GALNT1: variants seen among roughly 807,000 people sequenced by gnomAD.
GALNT1 encodes GalNAc transferase 1.
In GALNT1, 17 loss-of-function variants were observed where a neutral mutation model predicts 65.7. The ratio of observed to expected loss-of-function variants is 0.26; its 90% CI spans 0.18 to 0.39. The LOEUF (loss-of-function observed/expected upper bound fraction) is 0.39. GALNT1 is among the 10% of genes least tolerant of loss of function. GALNT1 has a pLI of 1.00. For synonymous variants in GALNT1, 210 were observed against 219.7 expected, an observed-to-expected ratio of 0.96 and a Z score of 0.39; for missense variants, 460 against 672.8, an observed-to-expected ratio of 0.68 and a Z score of 3.50.
chr18:35,653,387 G>T (rs2144382210), intron 1 of GALNT1, among the ~76,000 whole-genome samples: 1 of 152,310 alleles, frequency 6.6e-6, no homozygotes, highest in East Asian at 1.9e-4. Flanking sequence ...GGCCTGCCCT[G>T]AATTGTTCAG....
intron 1 of GALNT1, among the ~76,000 whole-genome samples, chr18:35,612,974 A>G (rs2046736500): frequency 6.6e-6 from 1 of 152,112 alleles, no homozygotes; most frequent in South Asian, 2.1e-4. Flanking sequence ...AATCAGTGGT[A>G]TGTTATAGGG....
At chr18:35,704,060 C>T (rs1032358126) in intron 11 of GALNT1, among the ~76,000 whole-genome samples, 3 of 152,180 alleles carry the variant, frequency 2.0e-5, no homozygotes, top group Admixed American at 6.5e-5. Context: ...AGAACCTTTC[C>T]TATTTATCTT....
intron 1 of GALNT1, among the ~76,000 whole-genome samples, chr18:35,606,050 C>G (rs576360): frequency 6.6e-6 from 1 of 151,988 alleles, no homozygotes; most frequent in African/African-American, 2.4e-5. Flanking sequence ...TGGCTTAAAA[C>G]AACAAAACTT....
Position 35,687,332 on chromosome 18 carries a change from T to C in GALNT1, c.860+146T>C, listed in dbSNP as rs574111969. On this transcript the variant is annotated intron_variant, in intron 6 of 11. Coordinates refer to ENST00000269195, the MANE Select transcript of GALNT1 (RefSeq NM_020474.4). Reference sequence around the variant, plus strand: ...GTAGTTAACAGCCATCTTTCACATATGTGAGTGTTTTAAAGAAGGATTTCT... The same window carrying C: ...GTAGTTAACAGCCATCTTTCACATACGTGAGTGTTTTAAAGAAGGATTTCT... 9 of 690,846 alleles carry C rather than the reference T, an allele frequency of 1.3e-5. No individual in the cohort carries two copies. In the African/African-American group the frequency reaches 1.6e-4, roughly 13 times the overall value. 42.8% of individuals were successfully genotyped at this position (690,846 alleles called of 1,614,324 possible). A position where few individuals can be genotyped will look rare whatever the true frequency, so the allele number is the denominator to read the frequency against.
intron 3 of GALNT1, among the ~76,000 whole-genome samples, chr18:35,665,568 A>G (rs2144476874): frequency 6.6e-6 from 1 of 152,314 alleles, no homozygotes; most frequent in South Asian, 2.1e-4. Flanking sequence ...CTTTCAGAAC[A>G]CTGAGGATTT....
At chr18:35,581,991 G>A (rs1369088557) in intron 1 of GALNT1, 129 bp downstream of exon 1, 1 of 151,922 alleles carries the variant, frequency 6.6e-6, no homozygotes, top group African/African-American at 2.4e-5. Flanking sequence ...TGGGGCCGGG[G>A]CGCGGGCACG....
chr18:35,703,924 CTAGTT>C (rs1212171329), intron 11 of GALNT1, among the ~76,000 whole-genome samples: 1 of 152,180 alleles, frequency 6.6e-6, no homozygotes, highest in Non-Finnish European at 1.5e-5. Context: ...GTTCTATAGT[CTAGTT>C]TGGGAGAAAT....
At chr18:35,611,858 C>CT (rs1362327614) in intron 1 of GALNT1, among the ~76,000 whole-genome samples, 2 of 152,182 alleles carry the variant, frequency 1.3e-5, no homozygotes, top group Non-Finnish European at 2.9e-5. Flanking sequence ...TGTTTCTAAT[C>CT]TTTTTTGTCT....
chr18:35,690,525 T>C (rs1230417162), intron 7 of GALNT1, among the ~76,000 whole-genome samples: 1 of 152,220 alleles, frequency 6.6e-6, no homozygotes, highest in Non-Finnish European at 1.5e-5. Context: ...ATTCATCAAT[T>C]TGAATTTATG....
At chr18:35,704,931 A>T (rs975545170) in intron 11 of GALNT1, among the ~76,000 whole-genome samples, 5 of 152,196 alleles carry the variant, frequency 3.3e-5, no homozygotes, top group Admixed American at 2.0e-4. Flanking sequence ...GGCATGAGCC[A>T]CTGCACCCAG....
chr18:35,656,020 G>C (rs1480325644), intron 2 of GALNT1, among the ~76,000 whole-genome samples: 1 of 152,116 alleles, frequency 6.6e-6, no homozygotes, highest in Non-Finnish European at 1.5e-5. Context: ...TCTTTGTTGG[G>C]TGACAAAATG....
At chr18:35,612,592 C>T (rs2046731141) in intron 1 of GALNT1, among the ~76,000 whole-genome samples, 6 of 152,118 alleles carry the variant, frequency 3.9e-5, no homozygotes, top group Admixed American at 2.6e-4. Flanking sequence ...CTAGGCCGGG[C>T]GTGGTGCTCA....
chr18:35,673,561 G>T (rs1354286678), intron 3 of GALNT1, among the ~76,000 whole-genome samples: 2 of 152,116 alleles, frequency 1.3e-5, no homozygotes, highest in African/African-American at 4.8e-5. Context: ...TTAATAAAAA[G>T]TCAGGAGGAC....
chr18:35,677,610 C>A lies in GALNT1; in HGVS notation c.334C>A (p.Pro112Thr). 1 of 1,611,862 alleles carries A rather than the reference C, an allele frequency of 6.2e-7. No individual in the cohort carries two copies. Among genetic ancestry groups the A allele is most frequent in the Non-Finnish European group, 8.5e-7 (1 of 1,178,706 alleles). The stretch of plus-strand genomic sequence containing the variant: ...CTCTAGGTGTAAAACAAAGGTGTAT[C>A]CAGATAATCTTCCTACAACAAGTGT... Reference protein sequence around the residue: ...RLEGCKTKVYPDNLPTTSVVI... With the variant: ...RLEGCKTKVYTDNLPTTSVVI... Residue 112 changes from proline to threonine, a missense_variant, in exon 4 of 12, where the codon CCA (proline) becomes ACA (threonine). Physicochemically the swap from Pro to Thr is conservative, Grantham distance 38. Transcript: ENST00000269195.
At chr18:35,649,432 C>G (rs1015768518) in intron 1 of GALNT1, among the ~76,000 whole-genome samples, 3 of 152,012 alleles carry the variant, frequency 2.0e-5, no homozygotes, top group Non-Finnish European at 4.4e-5. Context: ...TTTATATATT[C>G]CGGATACTAG....
intron 1 of GALNT1, among the ~76,000 whole-genome samples, chr18:35,651,893 A>C (rs1044272204): frequency 2.0e-5 from 3 of 152,242 alleles, no homozygotes; most frequent in Non-Finnish European, 4.4e-5. Flanking sequence ...CTCTTTAGAA[A>C]GAAAAATTAT....
At chr18:35,632,908 A>G (rs1764608254) in intron 1 of GALNT1, among the ~76,000 whole-genome samples, 1 of 152,248 alleles carries the variant, frequency 6.6e-6, no homozygotes, top group Non-Finnish European at 1.5e-5. Flanking sequence ...ACACTTCTCA[A>G]AAGAAGACAT....
rs111265931 is a variant in GALNT1 at position 35,628,043 on chromosome 18, G to A, written c.-103-26517G>A. 6.4e-3 allele frequency among the ~76,000 whole-genome samples: 969 copies of A among 152,316 alleles called. 19 individuals are homozygous for A. Among genetic ancestry groups the A allele is most frequent in the African/African-American group, 0.022 (919 of 41,552 alleles). ...GGGAGGGGCACCCGCCATTGCTGAG[G>A]CTTGAGTAGGTAAACAAAGTGGCTG... On this transcript the variant is annotated intron_variant, in intron 1 of 11. Coordinates refer to ENST00000269195, the MANE Select transcript of GALNT1 (RefSeq NM_020474.4).
intron 1 of GALNT1, chr18:35,596,840 G>T (rs961147353): frequency 3.3e-5 from 5 of 152,192 alleles, no homozygotes; most frequent in African/African-American, 1.2e-4. Flanking sequence ...CTTATCCTCA[G>T]CAGAGCCTCC....
Sources: gnomAD v4.1 joint callset for allele counts (sites outside exome capture counted in the v4.1 genomes callset) on GRCh38, gnomAD v4.1.1 for gene constraint, MANE v1.5 for transcripts, NCBI Gene and HGNC (gene_info 2026-07-23, HGNC 2026-07-21) for gene names.